The following SDK1 variants were observed in gnomAD, a reference collection of about 807,000 sequenced individuals.
SDK1 encodes the protein sidekick cell adhesion molecule 1.
SDK1 carries 157 observed loss-of-function variants against 245.5 expected under a neutral mutation model. That is an observed-to-expected ratio of 0.64 (90% CI 0.56 to 0.73). The LOEUF (loss-of-function observed/expected upper bound fraction) is 0.73, where lower values mean the gene tolerates loss of function less well. Ranked by LOEUF, SDK1 falls within the 30% of genes least tolerant of loss-of-function variation. The pLI, the probability that SDK1 is intolerant of heterozygous loss-of-function variation, is 0.00. For synonymous variants in SDK1, 1,647 were observed against 1,278.5 expected (o/e 1.29, Z -6.15); for missense variants, 3,583 against 3,002.3 (o/e 1.19, Z -4.52).
chr7:3,692,070 G>A (rs1017825602), intron 4 of SDK1, among the ~76,000 whole-genome samples: 1 of 152,084 alleles, frequency 6.6e-6, no homozygotes, highest in African/African-American at 2.4e-5. Context: ...AGACGGTTAT[G>A]CTTCCTACTC....
intron 5 of SDK1, among the ~76,000 whole-genome samples, chr7:3,919,679 C>G (rs1309503016): frequency 6.6e-6 from 1 of 152,176 alleles, no homozygotes; most frequent in Non-Finnish European, 1.5e-5. Context: ...TTAACTGACT[C>G]CATGTTGCTC....
chr7:3,973,936 G>T lies in SDK1; in HGVS notation c.1818-433G>T, dbSNP rs1782683953. ...GTGACTCAGGCCTGTAATCCCAGCA[G>T]TTTGGGAGGCCGAGACGGGCAGATC... is the stretch of plus-strand genomic sequence containing the variant. On this transcript the variant is annotated intron_variant, in intron 12 of 44. Transcript: ENST00000404826. Among the ~76,000 whole-genome samples, 4 of 152,144 alleles carry T rather than the reference G, an allele frequency of 2.6e-5. No individual in the cohort carries two copies. The South Asian group carries it at 6.2e-4, about 24-fold the overall frequency.
At chr7:3,659,362 A>G (rs187807538) in intron 4 of SDK1, among the ~76,000 whole-genome samples, 1 of 152,182 alleles carries the variant, frequency 6.6e-6, no homozygotes, top group Admixed American at 6.5e-5. Context: ...AACCAAACAC[A>G]TAAAGAAAGT....
intron 1 of SDK1, among the ~76,000 whole-genome samples, chr7:3,576,416 T>C (rs1780293082): frequency 6.6e-6 from 1 of 152,068 alleles, no homozygotes; most frequent in Non-Finnish European, 1.5e-5. Flanking sequence ...GCCTGTGACT[T>C]CCTCAGGGGA....
rs751617884 is a variant in SDK1, at chr7:3,958,993, G to C, written c.1213G>C (p.Asp405His). The change falls in exon 8 of 45, where the codon GAC becomes CAC. Residue 405 changes from aspartate (D) to histidine (H), a missense_variant. Physicochemically the swap from Asp to His is moderately conservative, Grantham distance 81 (BLOSUM62 -1). Coordinates refer to ENST00000404826, the MANE Select transcript of SDK1 (RefSeq NM_152744.4). ...RISAEVEETVDIGCQAMGVPL... is the reference protein window; with the variant it reads ...RISAEVEETVHIGCQAMGVPL... ...TTCAGCTGAAGTAGAAGAAACTGTG[G>C]ACATCGGATGTCAAGCCATGGGTGA... The C allele has an allele frequency of 5.6e-6, 9 of 1,613,810 alleles. No individual in the cohort carries two copies. The highest frequency in any genetic ancestry group is 6.8e-6 in the Non-Finnish European group (8 of 1,179,868).
At chr7:4,102,954 TAAA>T (rs34174910) in intron 22 of SDK1, among the ~76,000 whole-genome samples, 1,618 of 113,222 alleles carry the variant, frequency 0.014, 31 homozygotes, top group South Asian at 0.099. Flanking sequence ...TAAAAAAAGT[TAAA>T]AAAAAAAAAA....
At chr7:3,923,932 C>T (rs905914689) in intron 5 of SDK1, among the ~76,000 whole-genome samples, 2 of 152,180 alleles carry the variant, frequency 1.3e-5, no homozygotes, top group Admixed American at 6.5e-5. Flanking sequence ...ACAGGGCTTG[C>T]TCATGCTGTC....
At chr7:4,093,846 C>G (rs762151007) in intron 22 of SDK1, among the ~76,000 whole-genome samples, 1 of 152,166 alleles carries the variant, frequency 6.6e-6, no homozygotes, top group Non-Finnish European at 1.5e-5. Context: ...CACTCACCTG[C>G]GAGGACACCT....
At chr7:4,045,484 G>A (rs550000384) in intron 17 of SDK1, among the ~76,000 whole-genome samples, 4 of 152,004 alleles carry the variant, frequency 2.6e-5, no homozygotes, top group South Asian at 2.1e-4. Flanking sequence ...GGGCTCAAGC[G>A]ATCCTCCCAC....
chr7:3,395,709 T>C (rs1014320088), intron 1 of SDK1, among the ~76,000 whole-genome samples: 3 of 151,946 alleles, frequency 2.0e-5, no homozygotes, highest in Non-Finnish European at 4.4e-5. Flanking sequence ...ATTCCTTCTT[T>C]AGTCAGTTTT....
intron 4 of SDK1, among the ~76,000 whole-genome samples, chr7:3,675,254 C>G (rs1783854973): frequency 6.6e-6 from 1 of 152,192 alleles, no homozygotes; most frequent in Non-Finnish European, 1.5e-5. Flanking sequence ...TGTTAGCTTT[C>G]CTTTCAAAAG....
intron 5 of SDK1, among the ~76,000 whole-genome samples, chr7:3,911,862 T>C (rs998695432): frequency 6.6e-6 from 1 of 152,096 alleles, no homozygotes; most frequent in Non-Finnish European, 1.5e-5. Flanking sequence ...TATAATCTAG[T>C]GCAGGGTGCA....
intron 43 of SDK1, among the ~76,000 whole-genome samples, chr7:4,244,237 G>C (rs1786701356): frequency 6.6e-6 from 1 of 152,138 alleles, no homozygotes; most frequent in Non-Finnish European, 1.5e-5. Context: ...ATTGAGGGAT[G>C]AGAAGACACT....
intron 21 of SDK1, 128 bp downstream of exon 21, chr7:4,077,317 A>T: frequency 1.2e-6 from 1 of 856,786 alleles, no homozygotes. Context: ...GCCTCCTGCC[A>T]AGATGCTGGA....
At chr7:3,616,865 G>C (rs1488767743) in intron 1 of SDK1, among the ~76,000 whole-genome samples, 1 of 152,118 alleles carries the variant, frequency 6.6e-6, no homozygotes, top group African/African-American at 2.4e-5. Context: ...GAACAGCTTA[G>C]TAATGTCACA....
intron 5 of SDK1, among the ~76,000 whole-genome samples, chr7:3,906,404 G>C (rs779236205): frequency 6.6e-6 from 1 of 150,506 alleles, no homozygotes; most frequent in Non-Finnish European, 1.5e-5. Context: ...GTGTGTGAGA[G>C]AGAGAGAGAG....
intron 1 of SDK1, among the ~76,000 whole-genome samples, chr7:3,404,379 A>C (rs1778997434): frequency 6.6e-6 from 1 of 152,164 alleles, no homozygotes; most frequent in Non-Finnish European, 1.5e-5. Context: ...ACTGATTTGT[A>C]ATAATTTACC....
At chr7:4,212,676 G>T (rs756189900) in intron 38 of SDK1, among the ~76,000 whole-genome samples, 1 of 152,208 alleles carries the variant, frequency 6.6e-6, no homozygotes, top group Non-Finnish European at 1.5e-5. Context: ...GCTCTTGCTT[G>T]TCCTGCAGGG....
chr7:4,137,854 C>T lies in SDK1; in HGVS notation c.4228+5431C>T, dbSNP rs111836528. On this transcript the variant is annotated intron_variant, in intron 28 of 44. Coordinates refer to ENST00000404826, the MANE Select transcript of SDK1 (RefSeq NM_152744.4). ...CTTTTCCACAGAAACGCTCTTATCT[C>T]TGAACACCATCTATCATTATTCTCT... 1.3e-3 allele frequency among the ~76,000 whole-genome samples: 203 copies of T among 152,360 alleles called. 3 individuals carry two copies. The highest frequency in any genetic ancestry group is 4.6e-3 in the African/African-American group (190 of 41,594).
Sources: allele counts gnomAD v4.1 joint callset (sites outside exome capture counted in the v4.1 genomes callset), GRCh38; gene constraint gnomAD v4.1.1; transcripts MANE v1.5; gene names NCBI Gene and HGNC (gene_info 2026-07-23, HGNC 2026-07-21).